The following WDHD1 variants were observed in gnomAD, a reference collection of about 807,000 sequenced individuals.
WDHD1 encodes WD repeat and HMG-box DNA binding protein 1.
Under a neutral mutation model 135.4 loss-of-function variants are expected in WDHD1, and 111 were observed. The observed-to-expected ratio is 0.82, with a 90% CI of 0.70 to 0.96. The LOEUF (loss-of-function observed/expected upper bound fraction) is 0.96, where lower values mean the gene tolerates loss of function less well. Ranked by LOEUF, WDHD1 falls within the 40% of genes least tolerant of loss-of-function variation. The pLI is 0.00. For synonymous variants in WDHD1, 434 were observed against 439.0 expected (o/e 0.99, Z 0.14); for missense variants, 1,351 against 1,336.3 (o/e 1.01, Z -0.17).
At chr14:54,964,633 C>T (rs941403913) in intron 18 of WDHD1, among the ~76,000 whole-genome samples, 4 of 149,786 alleles carry the variant, frequency 2.7e-5, no homozygotes, top group African/African-American at 9.9e-5. Flanking sequence ...AGCGAGACTT[C>T]GTTTCAAAAA....
chr14:55,002,332 C>T, intron 7 of WDHD1, 147 bp from the exon 8 acceptor site: 1 of 599,574 alleles, frequency 1.7e-6, no homozygotes, highest in Non-Finnish European at 2.8e-6. Flanking sequence ...GACGGTGTCT[C>T]ACTATGTTGC....
intron 2 of WDHD1, among the ~76,000 whole-genome samples, chr14:55,015,341 C>T (rs1177445070): frequency 7.8e-6 from 1 of 128,686 alleles, no homozygotes; most frequent in African/African-American, 3.0e-5. Context: ...GAGCCGAGAT[C>T]GCACTACTGT....
intron 23 of WDHD1, among the ~76,000 whole-genome samples, chr14:54,955,905 T>G (rs1313897019): frequency 6.8e-6 from 1 of 146,976 alleles, no homozygotes. Flanking sequence ...CTTTTTTTTT[T>G]TTTTTTTTTT....
rs117124038 is a variant in WDHD1 at position 54,943,141 on chromosome 14, G to C, written c.3189+1191C>G. Among the ~76,000 whole-genome samples the C allele has an allele frequency of 3.0e-3, 461 of 152,252 alleles. 2 individuals carry two copies. Among genetic ancestry groups the C allele is most frequent in the Middle Eastern group, 6.8e-3 (2 of 294 alleles). ...GAAGTGAAACCTGAGGATTTAACTG[G>C]TACACCACACACATTCCTTCCACTT... On this transcript the variant is annotated intron_variant, in intron 25 of 25. Coordinates refer to ENST00000360586, the MANE Select transcript of WDHD1 (RefSeq NM_007086.4).
Position 54,939,648 on chromosome 14 carries a change from T to TA in WDHD1, c.*1841dup, listed in dbSNP as rs1284235680. The stretch of plus-strand genomic sequence containing the variant: ...CTATTATATAGCAGAGAAATAAGGA[T>TA]AATGTTTCTTGGTTTCAAAGTTCTG... On this transcript the variant is annotated 3_prime_UTR_variant, in exon 26 of 26. Coordinates refer to ENST00000360586, the MANE Select transcript of WDHD1 (RefSeq NM_007086.4). 1 of 150,270 alleles carries TA rather than the reference T, an allele frequency of 6.7e-6. No homozygotes were observed. Among genetic ancestry groups the TA allele is most frequent in the Non-Finnish European group, 1.5e-5 (1 of 67,758 alleles). 9.3% of individuals were successfully genotyped at this position (150,270 alleles called of 1,614,324 possible). A position where few individuals can be genotyped will look rare whatever the true frequency, so the allele number is the denominator to read the frequency against.
intron 16 of WDHD1, among the ~76,000 whole-genome samples, chr14:54,976,036 AGT>A (rs2041519162): frequency 1.3e-5 from 2 of 152,252 alleles, no homozygotes; most frequent in Admixed American, 6.5e-5. Context: ...ATGAGGAAAC[AGT>A]GGCACAGAGC....
At chr14:55,011,338 T>C (rs2042165126) in intron 3 of WDHD1, among the ~76,000 whole-genome samples, 1 of 151,954 alleles carries the variant, frequency 6.6e-6, no homozygotes, top group East Asian at 1.9e-4. Context: ...GAGACCAGCC[T>C]AGCCAACATG....
In WDHD1 at chr14:55,008,753, T is replaced by C. The variant is rs768426128; in HGVS notation, c.342-34A>G. On this transcript the variant is annotated intron_variant, in intron 4 of 25. Transcript: ENST00000360586. ...AAAAAGAGTAACGCAAATGAATAAATGCTAACACAAAGGCCTCTCCTAAAA... is the reference window on the plus strand; with the variant it reads ...AAAAAGAGTAACGCAAATGAATAAACGCTAACACAAAGGCCTCTCCTAAAA... 8 of 1,465,116 alleles carry C rather than the reference T, an allele frequency of 5.5e-6. No individual in the cohort carries two copies. The South Asian group carries it at 8.4e-5, about 15-fold the overall frequency. 90.8% of individuals were successfully genotyped at this position (1,465,116 alleles called of 1,614,324 possible). A position where few individuals can be genotyped will look rare whatever the true frequency, so the allele number is the denominator to read the frequency against.
intron 24 of WDHD1, among the ~76,000 whole-genome samples, chr14:54,950,869 A>T (rs2041038391): frequency 6.6e-6 from 1 of 152,220 alleles, no homozygotes; most frequent in Admixed American, 6.5e-5. Flanking sequence ...AACCACATGG[A>T]AACTGAACAA....
At chr14:55,008,010 G>A (rs765066014) in intron 6 of WDHD1, among the ~76,000 whole-genome samples, 9 of 152,008 alleles carry the variant, frequency 5.9e-5, no homozygotes, top group Non-Finnish European at 1.2e-4. Flanking sequence ...TCTAACCCAA[G>A]GCCCAACGCA....
rs2041361230 is a variant in WDHD1, at chr14:54,967,349, G to T, written c.2109C>A (p.Arg703=). The part of the protein sequence containing the change: ...KGSRFPPTLP[R]PAVAILSFKL... ...TAAAGGATAATATAGCAACAGCAGGGCGTGGAAGGGTTGGGGGAAACCGAG... is the reference window on the plus strand; with the variant it reads ...TAAAGGATAATATAGCAACAGCAGGTCGTGGAAGGGTTGGGGGAAACCGAG... Residue 703 remains arginine (R), a synonymous_variant, in exon 17 of 26, where the codon CGC becomes CGA. Coordinates refer to ENST00000360586, the MANE Select transcript of WDHD1 (RefSeq NM_007086.4). The T allele has an allele frequency of 6.2e-7, 1 of 1,612,544 alleles. No individual in the cohort carries two copies. The highest frequency in any genetic ancestry group is 8.5e-7 in the Non-Finnish European group (1 of 1,179,018).
chr14:54,996,133 T>C (rs1162295714), intron 10 of WDHD1, among the ~76,000 whole-genome samples: 3 of 152,208 alleles, frequency 2.0e-5, no homozygotes. Flanking sequence ...AGAAGTGATA[T>C]TAATATGATA....
chr14:54,962,890 C>T (rs1402592181), intron 19 of WDHD1, 37 bp from the exon 20 acceptor site: 1 of 1,610,868 alleles, frequency 6.2e-7, no homozygotes. Flanking sequence ...AAGAGCTATG[C>T]AAAGACCAAC....
At chr14:54,981,139 T>G (rs1322932171) in intron 16 of WDHD1, among the ~76,000 whole-genome samples, 1 of 152,174 alleles carries the variant, frequency 6.6e-6, no homozygotes, top group African/African-American at 2.4e-5. Flanking sequence ...ATTACGATAA[T>G]TAAGCAAAAC....
chr14:55,013,366 A>G (rs554477376), intron 3 of WDHD1, 119 bp downstream of exon 3: 2 of 687,004 alleles, frequency 2.9e-6, no homozygotes, highest in African/African-American at 3.6e-5. Context: ...ATACATTTTA[A>G]AATATTATTT....
intron 2 of WDHD1, among the ~76,000 whole-genome samples, chr14:55,018,882 G>A (rs1870839941): frequency 1.3e-5 from 2 of 152,138 alleles, no homozygotes; most frequent in African/African-American, 4.8e-5. Context: ...AATTATCCAG[G>A]CATGGTGGCG....
chr14:54,981,683 G>C lies in WDHD1; in HGVS notation c.1920C>G (p.Tyr640Ter). 2 of 1,606,566 alleles carry C rather than the reference G, an allele frequency of 1.2e-6. No individual in the cohort carries two copies. The highest frequency in any genetic ancestry group is 1.7e-6 in the Non-Finnish European group (2 of 1,174,114). ...TTCGAACAATTCCTTCTGAATCCAC[G>C]TAACAAGGGGTACCTAAACACCAAC... ...IGFSAEGTPC[Y>*]VDSEGIVRML... The change falls in exon 16 of 26, where the codon TAC (tyrosine) becomes TAG (stop). Residue 640 changes from tyrosine to a stop codon, truncating the protein, a stop_gained. Coordinates refer to ENST00000360586, the MANE Select transcript of WDHD1 (RefSeq NM_007086.4). LOFTEE classifies it high-confidence loss of function.
chr14:54,992,898 G>C (rs940185034), intron 11 of WDHD1, among the ~76,000 whole-genome samples: 7 of 152,006 alleles, frequency 4.6e-5, no homozygotes, highest in African/African-American at 1.7e-4. Context: ...AGGTGACAGA[G>C]CAAGATGCTA....
At chr14:54,955,309 A>G (rs2041134557) in intron 24 of WDHD1, among the ~76,000 whole-genome samples, 1 of 152,194 alleles carries the variant, frequency 6.6e-6, no homozygotes, top group African/African-American at 2.4e-5. Context: ...AAAATTAATT[A>G]CAAAATATAA....
Sources: gnomAD v4.1 joint callset for allele counts (sites outside exome capture counted in the v4.1 genomes callset) on GRCh38, gnomAD v4.1.1 for gene constraint, MANE v1.5 for transcripts, NCBI Gene and HGNC (gene_info 2026-07-23, HGNC 2026-07-21) for gene names.